SLC6A4: variants seen among roughly 807,000 people sequenced by gnomAD.
SLC6A4 encodes solute carrier family 6 member 4, also known as sodium-dependent serotonin transporter.
In SLC6A4, 22 loss-of-function variants were observed where a neutral mutation model predicts 73.4. That is an observed-to-expected ratio of 0.30 (90% CI 0.21 to 0.43). The LOEUF (loss-of-function observed/expected upper bound fraction) is 0.43, where lower values mean the gene tolerates loss of function less well. Among genes scored for constraint, SLC6A4 ranks in the 20% least tolerant of loss-of-function variants. The probability of loss-of-function intolerance (pLI) is 1.00; values close to 1 mark genes in which losing one functional copy is unlikely to be tolerated. For missense variants in SLC6A4, 593 were observed against 808.5 expected, an observed-to-expected ratio of 0.73 and a Z score of 3.23; for synonymous variants, 270 against 315.5, an observed-to-expected ratio of 0.86 and a Z score of 1.53.
rs1905927075 is a variant in SLC6A4 at position 30,198,334 on chromosome 17, A to G, written c.*122T>C. 4.8e-6 allele frequency: 3 copies of G among 623,996 alleles called. No homozygotes were observed. Among genetic ancestry groups the G allele is most frequent in the Non-Finnish European group, 5.8e-6 (2 of 346,270 alleles). The allele number at this position is 623,996 out of a possible 1,614,324, so 38.7% of individuals were successfully genotyped here. A position where few individuals can be genotyped will look rare whatever the true frequency, so the allele number is the denominator to read the frequency against. ...GGCACCAGACTGTGTCCCTGTGGAGAAGGCCCTTCCATCATCAGGCTTAGC... is the reference window on the plus strand; with the variant it reads ...GGCACCAGACTGTGTCCCTGTGGAGGAGGCCCTTCCATCATCAGGCTTAGC... On this transcript the variant is annotated 3_prime_UTR_variant, in exon 15 of 15. Coordinates refer to ENST00000650711, the MANE Select transcript of SLC6A4 (RefSeq NM_001045.6).
intron 1 of SLC6A4, among the ~76,000 whole-genome samples, chr17:30,230,149 GGAA>G (rs1468248645): frequency 2.0e-5 from 3 of 149,796 alleles, no homozygotes; most frequent in African/African-American, 7.5e-5. Context: ...AGGAGGAGGA[GGAA>G]GAGGAAGAGG....
Position 30,198,269 on chromosome 17 carries a change from G to A in SLC6A4, c.*187C>T. On this transcript the variant is annotated 3_prime_UTR_variant, in exon 15 of 15. Transcript: ENST00000650711. ...CAGTCTACCATGGGAATATGTCCAG[G>A]GGAATCCATGGAAATAAGTGGCTGG... is the stretch of plus-strand genomic sequence containing the variant. The A allele has an allele frequency of 1.9e-6, 1 of 527,450 alleles. No individual in the cohort carries two copies. The allele number at this position is 527,450 out of a possible 1,614,324, so 32.7% of individuals were successfully genotyped here. A position where few individuals can be genotyped will look rare whatever the true frequency, so the allele number is the denominator to read the frequency against.
intron 1 of SLC6A4, among the ~76,000 whole-genome samples, chr17:30,224,096 C>T (rs966335954): frequency 2.0e-5 from 3 of 152,134 alleles, no homozygotes; most frequent in Admixed American, 6.5e-5. Flanking sequence ...ATGTTTTGTA[C>T]GTTAAACAAC....
At chr17:30,209,969 T>C (rs1207237005) in intron 11 of SLC6A4, among the ~76,000 whole-genome samples, 2 of 151,932 alleles carry the variant, frequency 1.3e-5, no homozygotes, top group Non-Finnish European at 2.9e-5. Flanking sequence ...AAATCATGAC[T>C]CACTGGGGTT....
At chr17:30,234,647 T>C (rs1448256449) in intron 1 of SLC6A4, among the ~76,000 whole-genome samples, 1 of 152,228 alleles carries the variant, frequency 6.6e-6, no homozygotes, top group African/African-American at 2.4e-5. Context: ...ACATTTTTCC[T>C]ATGTAACTGA....
chr17:30,211,500 C>A lies in SLC6A4; in HGVS notation c.1205-76G>T. 1.1e-6 allele frequency: 1 copy of A among 897,506 alleles called. No homozygotes were observed. Among genetic ancestry groups the A allele is most frequent in the Admixed American group, 1.8e-5 (1 of 54,626 alleles). 55.6% of individuals were successfully genotyped at this position (897,506 alleles called of 1,614,324 possible). A position where few individuals can be genotyped will look rare whatever the true frequency, so the allele number is the denominator to read the frequency against. ...AAGATGTCACAGAGGAAAACTCAGC[C>A]ACAACAACAGTTACAATTCTCATCA... On this transcript the variant is annotated intron_variant, in intron 9 of 14. Coordinates refer to ENST00000650711, the MANE Select transcript of SLC6A4 (RefSeq NM_001045.6). This position sits in a 1 kb window ranked among gnomAD's most constrained non-coding sequence, Gnocchi z 4.0.
chr17:30,230,046 A>AAGAAGC (rs1907040106), intron 1 of SLC6A4, among the ~76,000 whole-genome samples: 1 of 6,930 alleles, frequency 1.4e-4, no homozygotes, highest in Admixed American at 2.1e-3. Context: ...AAAAAGAAGA[A>AAGAAGC]AGAAGAAGAA....
intron 6 of SLC6A4, among the ~76,000 whole-genome samples, chr17:30,216,836 T>A (rs1412023161): frequency 7.5e-6 from 1 of 134,168 alleles, no homozygotes; most frequent in African/African-American, 2.7e-5. Flanking sequence ...ACCTGGCTAT[T>A]GTTTTTTTTT....
At chr17:30,205,318 G>A (rs1906157795) in intron 13 of SLC6A4, among the ~76,000 whole-genome samples, 2 of 151,930 alleles carry the variant, frequency 1.3e-5, no homozygotes, top group Admixed American at 6.6e-5. Flanking sequence ...CACTGCGTGG[G>A]GAATAAATAT....
At position 30,209,190 on chromosome 17, in the gene SLC6A4, A is replaced by G. The variant is rs1162971941; in HGVS notation, c.1502T>C (p.Val501Ala). ...LLEEYATGPA[V>A]LTVALIEAVA... ...TGCTTCGATCAGCGCGACAGTGAGC[A>G]CTGCGGGCCCCGTGGCATACTCCTC... The change falls in exon 12 of 15, where the codon GTG becomes GCG. Residue 501 changes from valine (V) to alanine (A), a missense_variant. Coordinates refer to ENST00000650711, the MANE Select transcript of SLC6A4 (RefSeq NM_001045.6). 6.2e-7 allele frequency: 1 copy of G among 1,613,944 alleles called. No homozygotes were observed. Among genetic ancestry groups the G allele is most frequent in the Admixed American group, 1.7e-5 (1 of 60,018 alleles).
intron 1 of SLC6A4, among the ~76,000 whole-genome samples, chr17:30,233,598 G>A (rs1189042912): frequency 6.6e-6 from 1 of 152,126 alleles, no homozygotes; most frequent in Non-Finnish European, 1.5e-5. Context: ...GTGAGTTGGA[G>A]GGGACTCGGA....
Position 30,196,343 on chromosome 17 carries a change from C to A in SLC6A4, c.*2113G>T, listed in dbSNP as rs1457175275. On this transcript the variant is annotated 3_prime_UTR_variant, in exon 15 of 15. Transcript: ENST00000650711. Reference sequence around the variant, plus strand: ...AGGGGTCAAATAAATGCATACTATGCGGAACAGACAGAGATTTTCGATTTT... The same window carrying A: ...AGGGGTCAAATAAATGCATACTATGAGGAACAGACAGAGATTTTCGATTTT... 1.3e-5 allele frequency: 2 copies of A among 148,738 alleles called. No homozygotes were observed. Among genetic ancestry groups the A allele is most frequent in the Admixed American group, 6.7e-5 (1 of 14,942 alleles). 9.2% of individuals were successfully genotyped at this position (148,738 alleles called of 1,614,324 possible).
At chr17:30,222,298 G>C (rs986054647) in intron 2 of SLC6A4, among the ~76,000 whole-genome samples, 1 of 152,154 alleles carries the variant, frequency 6.6e-6, no homozygotes, top group Non-Finnish European at 1.5e-5. Flanking sequence ...ATTTCAAAAG[G>C]AAACAATAAA....
At position 30,194,861 on chromosome 17, in the gene SLC6A4, AACG is replaced by A. The variant is rs1270367152; in HGVS notation, c.*3592_*3594del. The A allele has an allele frequency of 6.6e-6, 1 of 152,154 alleles. No individual in the cohort carries two copies. Among genetic ancestry groups the A allele is most frequent in the Non-Finnish European group, 1.5e-5 (1 of 68,032 alleles). The allele number at this position is 152,154 out of a possible 1,614,324, so 9.4% of individuals were successfully genotyped here. On this transcript the variant is annotated 3_prime_UTR_variant, in exon 15 of 15. Coordinates refer to ENST00000650711, the MANE Select transcript of SLC6A4 (RefSeq NM_001045.6). ...CTGATGCCATCTATTCTCTCCCCCAAACGACAAAATTCTTCTTAGTTCAGTAGA... is the reference window on the plus strand; with the variant it reads ...CTGATGCCATCTATTCTCTCCCCCAAACAAAATTCTTCTTAGTTCAGTAGA...
At chr17:30,220,257 T>C (rs1363936367) in intron 3 of SLC6A4, among the ~76,000 whole-genome samples, 3 of 152,180 alleles carry the variant, frequency 2.0e-5, no homozygotes, top group African/African-American at 7.2e-5. Context: ...CCAAATCTGT[T>C]GTCAGAGTTC....
intron 5 of SLC6A4, among the ~76,000 whole-genome samples, chr17:30,217,730 A>G (rs1319505438): frequency 2.6e-5 from 4 of 152,358 alleles, no homozygotes; most frequent in Non-Finnish European, 5.9e-5. Context: ...CAAAGGGTAG[A>G]TCCCACTTAC....
intron 13 of SLC6A4, chr17:30,204,577 C>A (rs558159905): frequency 2.6e-5 from 4 of 152,254 alleles, no homozygotes; most frequent in African/African-American, 9.6e-5. Context: ...ACTCAACCTC[C>A]GGTTGGGGCA....
At chr17:30,216,242 T>C (rs763190782) in intron 6 of SLC6A4, 26 bp from the exon 7 acceptor site, 4 of 1,232,402 alleles carry the variant, frequency 3.2e-6, no homozygotes, top group African/African-American at 3.4e-5. Context: ...GTTATCACCA[T>C]GCTGTTCCAG....
intron 1 of SLC6A4, among the ~76,000 whole-genome samples, chr17:30,225,219 C>T (rs1488190543): frequency 6.6e-6 from 1 of 151,986 alleles, no homozygotes; most frequent in African/African-American, 2.4e-5. Flanking sequence ...AGAGGAGACA[C>T]ACATCTCCTT....
Sources: gnomAD v4.1 joint callset for allele counts (sites outside exome capture counted in the v4.1 genomes callset) on GRCh38, gnomAD v4.1.1 for gene constraint, Gnocchi (gnomAD v3.1) non-coding constraint, MANE v1.5 for transcripts, NCBI Gene and HGNC (gene_info 2026-07-23, HGNC 2026-07-21) for gene names.